The following FHOD3 variants were observed in gnomAD, a reference collection of about 807,000 sequenced individuals.
The protein encoded by FHOD3 is formin homology 2 domain containing 3.
In FHOD3, 90 loss-of-function variants were observed where a neutral mutation model predicts 173.0. That is an observed-to-expected ratio of 0.52 (90% CI 0.44 to 0.62). The LOEUF is 0.62. Among genes scored for constraint, FHOD3 ranks in the 20% least tolerant of loss-of-function variants. The pLI is 0.00. For missense variants in FHOD3, 1,945 were observed against 2,034.7 expected (o/e 0.96, Z 0.85); for synonymous variants, 828 against 823.0 (o/e 1.01, Z -0.10).
chr18:36,436,659 T>C (rs954866911), intron 3 of FHOD3, among the ~76,000 whole-genome samples: 1 of 152,204 alleles, frequency 6.6e-6, no homozygotes, highest in African/African-American at 2.4e-5. Context: ...TTGAATTTTA[T>C]TTTTTTACCA....
intron 2 of FHOD3, among the ~76,000 whole-genome samples, chr18:36,361,613 G>A (rs1207579008): frequency 6.6e-6 from 1 of 150,982 alleles, no homozygotes; most frequent in East Asian, 1.9e-4. Flanking sequence ...TTGAACCCAG[G>A]AGGTAGAGGT....
intron 2 of FHOD3, among the ~76,000 whole-genome samples, chr18:36,358,931 T>A (rs1414094910): frequency 6.6e-6 from 1 of 152,170 alleles, no homozygotes; most frequent in Non-Finnish European, 1.5e-5. Context: ...GCTACACATT[T>A]GACAAGTGTG....
chr18:36,385,565 T>C (rs1055647664), intron 3 of FHOD3, among the ~76,000 whole-genome samples: 2 of 152,034 alleles, frequency 1.3e-5, no homozygotes, highest in African/African-American at 4.8e-5. Context: ...CCTGGCTAAT[T>C]TTCATATTTT....
At chr18:36,657,903 A>G (rs2036527014) in intron 13 of FHOD3, among the ~76,000 whole-genome samples, 172 bp from the exon 14 acceptor site, 1 of 152,234 alleles carries the variant, frequency 6.6e-6, no homozygotes, top group South Asian at 2.1e-4. Flanking sequence ...ATGAGAAATT[A>G]TCAGAAAAAA....
rs756002908 is a variant in FHOD3 at position 36,747,027 on chromosome 18, C to G, written c.4124C>G (p.Ala1375Gly). The G allele has an allele frequency of 1.3e-5, 21 of 1,613,798 alleles. No individual in the cohort carries two copies. Among genetic ancestry groups the G allele is most frequent in the Non-Finnish European group, 1.7e-5 (20 of 1,179,930 alleles). Residue 1375 changes from alanine to glycine, a missense_variant, in exon 24 of 29, where the codon GCA (alanine) becomes GGA (glycine). Around this residue, in one of 5 missense-constraint regions of FHOD3, gnomAD observed 354 missense variants for 359.9 expected, o/e 0.98. Transcript: ENST00000590592. ...TCATGGGATCACCTCAAGGCAATTG[C>G]AAAACATGAAATGAAACCAGTTTTA... ...KASWDHLKAI[A>G]KHEMKPVLKQ... is the part of the protein sequence containing the mutation.
At chr18:36,364,675 T>C (rs1343135570) in intron 2 of FHOD3, among the ~76,000 whole-genome samples, 1 of 152,196 alleles carries the variant, frequency 6.6e-6, no homozygotes, top group Non-Finnish European at 1.5e-5. Flanking sequence ...GAGTGCCACA[T>C]TGTGGAATAT....
At chr18:36,743,200 T>G (rs915800339) in intron 22 of FHOD3, among the ~76,000 whole-genome samples, 2 of 149,362 alleles carry the variant, frequency 1.3e-5, no homozygotes, top group African/African-American at 2.5e-5. Flanking sequence ...TTCCAGCTAC[T>G]CGGAATGCTG....
intron 3 of FHOD3, among the ~76,000 whole-genome samples, chr18:36,477,949 A>C (rs1203279937): frequency 6.6e-6 from 1 of 152,200 alleles, no homozygotes; most frequent in East Asian, 1.9e-4. Flanking sequence ...CTGGCCCAAC[A>C]TGTGCACTCC....
intron 18 of FHOD3, among the ~76,000 whole-genome samples, chr18:36,713,343 G>A (rs576442623): frequency 6.6e-6 from 1 of 152,278 alleles, no homozygotes; most frequent in Admixed American, 6.5e-5. Context: ...GGAAGCTAAC[G>A]GTATCAAAAT....
chr18:36,557,966 G>A (rs2057953882), intron 5 of FHOD3, among the ~76,000 whole-genome samples: 1 of 152,306 alleles, frequency 6.6e-6, no homozygotes, highest in Admixed American at 6.5e-5. Flanking sequence ...AGATCCTTCT[G>A]ATTGTTGTGC....
rs541132010 is a variant in FHOD3 at position 36,351,538 on chromosome 18, A to T, written c.166-4001A>T. Among the ~76,000 whole-genome samples, 3 of 152,312 alleles carry T rather than the reference A, an allele frequency of 2.0e-5. No individual in the cohort carries two copies. In the South Asian group the frequency reaches 6.2e-4, roughly 32 times the overall value. ...ATCTCTTTGAGGGAAGGAAGTGATT[A>T]TGTGTTCCTTGGTGCCCTGCCTGTG... On this transcript the variant is annotated intron_variant, in intron 1 of 28. Transcript: ENST00000590592.
intron 1 of FHOD3, among the ~76,000 whole-genome samples, chr18:36,345,115 A>G (rs2045819430): frequency 6.6e-6 from 1 of 152,360 alleles, no homozygotes; most frequent in Middle Eastern, 3.4e-3. Flanking sequence ...CTCATTTAAC[A>G]AACACTGCAA....
intron 5 of FHOD3, among the ~76,000 whole-genome samples, chr18:36,552,711 G>A (rs1328417078): frequency 6.6e-6 from 1 of 151,938 alleles, no homozygotes; most frequent in Non-Finnish European, 1.5e-5. Context: ...TGTTAGCCAG[G>A]ATGGTCTTGA....
intron 3 of FHOD3, among the ~76,000 whole-genome samples, chr18:36,464,464 C>G (rs1314445164): frequency 6.6e-6 from 1 of 152,194 alleles, no homozygotes; most frequent in Non-Finnish European, 1.5e-5. Context: ...AGCTTGGACT[C>G]CAGCACCCAG....
At chr18:36,416,549 T>C (rs943781029) in intron 3 of FHOD3, among the ~76,000 whole-genome samples, 1 of 152,224 alleles carries the variant, frequency 6.6e-6, no homozygotes, top group East Asian at 1.9e-4. Context: ...GCACTTACTT[T>C]GTTCAGTTTC....
intron 3 of FHOD3, among the ~76,000 whole-genome samples, chr18:36,495,222 T>C (rs1018939198): frequency 3.3e-5 from 5 of 152,174 alleles, no homozygotes; most frequent in African/African-American, 1.2e-4. Context: ...ATTACACGTG[T>C]GAGCCACTGT....
chr18:36,298,759 GTT>G lies in FHOD3; in HGVS notation c.165+771_165+772del, dbSNP rs35661851. On this transcript the variant is annotated intron_variant, in intron 1 of 28. Coordinates refer to ENST00000590592, the MANE Select transcript of FHOD3 (RefSeq NM_001281740.3). The stretch of plus-strand genomic sequence containing the variant: ...GCTGCTCAGTCTACCCGTTAGAGAG[GTT>G]TTTTTTTTTTTATTTGTTATTTTTA... Among the ~76,000 whole-genome samples the G allele has an allele frequency of 1.6e-3, 236 of 146,332 alleles. 1 individual carries two copies. The highest frequency in any genetic ancestry group is 0.014 in the Middle Eastern group (4 of 286).
At chr18:36,323,173 C>T (rs1046310032) in intron 1 of FHOD3, among the ~76,000 whole-genome samples, 6 of 152,126 alleles carry the variant, frequency 3.9e-5, no homozygotes, top group Non-Finnish European at 8.8e-5. Flanking sequence ...AGGGGGCACC[C>T]GGCTGCCTCT....
intron 3 of FHOD3, among the ~76,000 whole-genome samples, chr18:36,480,579 G>C (rs1203369309): frequency 6.6e-6 from 1 of 152,184 alleles, no homozygotes; most frequent in Non-Finnish European, 1.5e-5. Flanking sequence ...TTTAAGCTTT[G>C]TTCTGGAGGT....
Sources: gnomAD v4.1 joint callset for allele counts (sites outside exome capture counted in the v4.1 genomes callset) on GRCh38, gnomAD v4.1.1 for gene constraint, gnomAD v4.1.1 regional missense constraint, MANE v1.5 for transcripts, NCBI Gene and HGNC (gene_info 2026-07-23, HGNC 2026-07-21) for gene names.